EED: variants seen among roughly 807,000 people sequenced by gnomAD.
The protein encoded by EED is polycomb protein EED.
Under a neutral mutation model 61.0 loss-of-function variants are expected in EED, and 9 were observed. That is an observed-to-expected ratio of 0.15 (90% CI 0.09 to 0.26). The LOEUF (loss-of-function observed/expected upper bound fraction) is 0.26, where lower values mean the gene tolerates loss of function less well. EED is among the 10% of genes least tolerant of loss of function. The probability of loss-of-function intolerance (pLI) is 1.00; values close to 1 mark genes in which losing one functional copy is unlikely to be tolerated. For synonymous variants in EED, 187 were observed against 174.4 expected (o/e 1.07, Z -0.57); for missense variants, 315 against 542.3 (o/e 0.58, Z 4.16).
chr11:86,269,875 AC>A (rs1302289673), intron 9 of EED, among the ~76,000 whole-genome samples: 4 of 152,142 alleles, frequency 2.6e-5, no homozygotes, highest in African/African-American at 9.7e-5. Context: ...GGTATGGATT[AC>A]CATAGTTTAT....
At chr11:86,260,027 A>G (rs143369314) in intron 6 of EED, among the ~76,000 whole-genome samples, 16 of 152,318 alleles carry the variant, frequency 1.1e-4, no homozygotes, top group Non-Finnish European at 2.2e-4. Flanking sequence ...GGGTGTACAT[A>G]TGTATCCCCA....
chr11:86,270,776 A>C (rs567868223), intron 9 of EED, among the ~76,000 whole-genome samples: 1 of 152,174 alleles, frequency 6.6e-6, no homozygotes, highest in African/African-American at 2.4e-5. Context: ...TTGGAAGACT[A>C]TTCTTCCGCC....
chr11:86,286,996 AAAT>A, the EED span, among the ~76,000 whole-genome samples: 41 of 147,632 alleles, frequency 2.8e-4, no homozygotes, highest in Non-Finnish European at 2.0e-4. Flanking sequence ...AAAAAAAAAG[AAAT>A]AGACTATACA....
At chr11:86,275,393 A>G (rs1406237165) in intron 9 of EED, among the ~76,000 whole-genome samples, 1 of 152,222 alleles carries the variant, frequency 6.6e-6, no homozygotes, top group Non-Finnish European at 1.5e-5. Context: ...GTGGTCTCAA[A>G]TCTGGCTCTG....
intron 1 of EED, among the ~76,000 whole-genome samples, chr11:86,248,766 C>T (rs528430016): frequency 6.6e-6 from 1 of 152,096 alleles, no homozygotes; most frequent in South Asian, 2.1e-4. Context: ...CACCTGTAAT[C>T]CCAGCACTTT....
chr11:86,260,857 C>T (rs139371593), intron 6 of EED, among the ~76,000 whole-genome samples: 1 of 151,740 alleles, frequency 6.6e-6, no homozygotes, highest in African/African-American at 2.4e-5. Flanking sequence ...TCTGAACTTA[C>T]TGTCTTAGTC....
rs372687695 is a variant in EED at position 86,244,768 on chromosome 11, G to T, written c.-462G>T. The T allele has an allele frequency of 8.6e-6, 2 of 231,910 alleles. No individual in the cohort carries two copies. The highest frequency in any genetic ancestry group is 1.7e-5 in the Non-Finnish European group (2 of 117,110). The allele number at this position is 231,910 out of a possible 1,614,324, so 14.4% of individuals were successfully genotyped here. A position where few individuals can be genotyped will look rare whatever the true frequency, so the allele number is the denominator to read the frequency against. On this transcript the variant is annotated 5_prime_UTR_variant, in exon 1 of 12. Coordinates refer to ENST00000263360, the MANE Select transcript of EED (RefSeq NM_003797.5). ...GGTGTAGCCCATTCCACAGACTTTCGCTCCCTAGCAGCGGGTCGGAGATCG... is the reference window on the plus strand; with the variant it reads ...GGTGTAGCCCATTCCACAGACTTTCTCTCCCTAGCAGCGGGTCGGAGATCG...
intron 8 of EED, among the ~76,000 whole-genome samples, chr11:86,267,677 T>A (rs1055479587): frequency 3.3e-5 from 5 of 151,998 alleles, no homozygotes; most frequent in African/African-American, 1.2e-4. Flanking sequence ...CTTGGCTCAC[T>A]GCAACCTCTG....
At chr11:86,266,319 A>G in intron 8 of EED, 103 bp downstream of exon 8, 2 of 1,039,394 alleles carry the variant, frequency 1.9e-6, no homozygotes, top group Admixed American at 2.8e-5. Context: ...TGAGTTTAGA[A>G]GACCTTCTTT....
intron 1 of EED, among the ~76,000 whole-genome samples, chr11:86,247,186 C>G (rs1945412868): frequency 6.6e-6 from 1 of 152,158 alleles, no homozygotes; most frequent in African/African-American, 2.4e-5. Context: ...TAAAGCTGTT[C>G]AAGACCAAAT....
intron 2 of EED, 64 bp downstream of exon 2, chr11:86,250,512 C>G (rs991698703): frequency 7.1e-7 from 1 of 1,411,080 alleles, no homozygotes; most frequent in Admixed American, 2.7e-5. Context: ...CTCTGTGGCA[C>G]GCATTTCGTA....
At chr11:86,277,278 G>A in intron 10 of EED, 140 bp downstream of exon 10, 1 of 732,752 alleles carries the variant, frequency 1.4e-6, no homozygotes, top group East Asian at 2.8e-5. Flanking sequence ...GCCCTTTGAT[G>A]TCATTCATCA....
At chr11:86,270,676 C>A (rs1332752578) in intron 9 of EED, among the ~76,000 whole-genome samples, 1 of 152,034 alleles carries the variant, frequency 6.6e-6, no homozygotes, top group Non-Finnish European at 1.5e-5. Context: ...ATGTGTAATC[C>A]ATTTTGAGTT....
rs752828124 is a variant in EED at position 86,245,246 on chromosome 11, T to C, written c.17T>C (p.Val6Ala). Residue 6 changes from valine (V) to alanine (A), a missense_variant, in exon 1 of 12, where the codon GTG becomes GCG. Transcript: ENST00000263360. ...CGGAGGAATATGTCCGAGAGGGAAG[T>C]GTCGACTGCGCCGGCGGGAACAGAC... MSERE[V>A]STAPAGTDMP... 6.2e-7 allele frequency: 1 copy of C among 1,612,940 alleles called. No individual in the cohort carries two copies. The highest frequency in any genetic ancestry group is 8.5e-7 in the Non-Finnish European group (1 of 1,179,736).
chr11:86,269,428 T>A (rs1313070722), intron 9 of EED, among the ~76,000 whole-genome samples: 1 of 152,224 alleles, frequency 6.6e-6, no homozygotes, highest in Non-Finnish European at 1.5e-5. Context: ...TCAAATTTGG[T>A]GAAATTGCTG....
downstream of EED, among the ~76,000 whole-genome samples, chr11:86,282,748 C>T (rs953831495): frequency 7.2e-5 from 11 of 152,122 alleles, no homozygotes; most frequent in African/African-American, 1.2e-4. Context: ...CATACAGTCT[C>T]GTCATAACTA....
chr11:86,271,672 C>G (rs1369520307), intron 9 of EED, among the ~76,000 whole-genome samples: 1 of 152,024 alleles, frequency 6.6e-6, no homozygotes, highest in Non-Finnish European at 1.5e-5. Context: ...GTTTCCTGTT[C>G]CTAAATTTTT....
Position 86,277,936 on chromosome 11 carries a change from C to G in EED, c.1144C>G (p.Gln382Glu). 1 of 1,545,278 alleles carries G rather than the reference C, an allele frequency of 6.5e-7. No individual in the cohort carries two copies. The highest frequency in any genetic ancestry group is 8.7e-7 in the Non-Finnish European group (1 of 1,155,938). The stretch of plus-strand genomic sequence containing the variant: ...TATACAGATGCTTGCATTGGGCAAT[C>G]AAGTTGGCAAACTTTATGTTTGGGA... Reference protein sequence around the residue: ...FWQKMLALGNQVGKLYVWDLE... With the variant: ...FWQKMLALGNEVGKLYVWDLE... The change falls in exon 11 of 12, where the codon CAA (glutamine) becomes GAA (glutamate). Residue 382 changes from glutamine to glutamate, a missense_variant. Physicochemically the swap from Gln to Glu is conservative, Grantham distance 29. This residue lies in a region of EED where 205 missense variants were observed against 455.4 expected (regional missense o/e 0.45). Transcript: ENST00000263360.
the EED span, among the ~76,000 whole-genome samples, chr11:86,285,747 G>A: frequency 1.1e-3 from 174 of 151,994 alleles, no homozygotes; most frequent in Middle Eastern, 3.4e-3. Context: ...ACAGGCGTGC[G>A]CCACCAAGCC....
Sources: allele counts gnomAD v4.1 joint callset (sites outside exome capture counted in the v4.1 genomes callset), GRCh38; gene constraint gnomAD v4.1.1; regional missense constraint gnomAD v4.1.1; transcripts MANE v1.5; gene names NCBI Gene and HGNC (gene_info 2026-07-23, HGNC 2026-07-21).